PEX14: variants seen among roughly 807,000 people sequenced by gnomAD.
PEX14 encodes the protein peroxisomal biogenesis factor 14.
Under a neutral mutation model 49.5 loss-of-function variants are expected in PEX14, and 15 were observed. That is an observed-to-expected ratio of 0.30 (90% CI 0.20 to 0.47). The LOEUF (loss-of-function observed/expected upper bound fraction) is 0.47. Among genes scored for constraint, PEX14 ranks in the 20% least tolerant of loss-of-function variants. PEX14 has a pLI of 1.00. For missense variants in PEX14, 398 were observed against 494.8 expected (o/e 0.80, Z 1.86); for synonymous variants, 210 against 212.7 (o/e 0.99, Z 0.11).
At chr1:10,614,787 G>A (rs751554019) in intron 4 of PEX14, among the ~76,000 whole-genome samples, 3 of 152,204 alleles carry the variant, frequency 2.0e-5, no homozygotes, top group Admixed American at 6.5e-5. Flanking sequence ...ATGGATGAAG[G>A]CCCTCCTGAG....
In PEX14 at chr1:10,577,550, ATATATATATATATTTTTTTTTTTTTTT is replaced by A. The variant is rs1640169464; in HGVS notation, c.170-21686_170-21660del. 9.3e-4 allele frequency among the ~76,000 whole-genome samples: 12 copies of A among 12,966 alleles called. No homozygotes were observed. The East Asian group carries it at 0.018, about 19-fold the overall frequency. The allele number at this position is 12,966 out of a possible 152,430, so 8.5% of individuals were successfully genotyped here. ...TATACATATATATATATATATATAT[ATATATATATATATTTTTTTTTTTTTTT>A]TTTTTTTTTTTTTTTTTTTTTTTTT... is the stretch of plus-strand genomic sequence containing the variant. On this transcript the variant is annotated intron_variant, in intron 3 of 8. Transcript: ENST00000356607.
chr1:10,531,369 T>C (rs1638645921), intron 2 of PEX14, among the ~76,000 whole-genome samples: 1 of 152,206 alleles, frequency 6.6e-6, no homozygotes, highest in Non-Finnish European at 1.5e-5. Context: ...AGCATTTCTG[T>C]TTGAAGAGGG....
chr1:10,550,824 AAATG>A (rs1289255204), intron 3 of PEX14, among the ~76,000 whole-genome samples: 1 of 152,236 alleles, frequency 6.6e-6, no homozygotes, highest in Non-Finnish European at 1.5e-5. Context: ...ACATTGTAGA[AAATG>A]AAATCTAGAA....
chr1:10,590,110 A>G (rs892304487), intron 3 of PEX14, among the ~76,000 whole-genome samples: 6 of 152,154 alleles, frequency 3.9e-5, no homozygotes, highest in Non-Finnish European at 8.8e-5. Context: ...AGGCCGGTTC[A>G]TGTCTGTGAG....
At chr1:10,527,642 G>T (rs1638529298) in intron 2 of PEX14, among the ~76,000 whole-genome samples, 1 of 151,610 alleles carries the variant, frequency 6.6e-6, no homozygotes. Flanking sequence ...CTTATGGGGT[G>T]TTTGGTAGAA....
At chr1:10,573,695 G>T (rs1640045555) in intron 3 of PEX14, among the ~76,000 whole-genome samples, 1 of 152,164 alleles carries the variant, frequency 6.6e-6, no homozygotes. Flanking sequence ...CTCAAGTTAA[G>T]TACATGCTTG....
chr1:10,566,306 T>G (rs1056186868), intron 3 of PEX14, among the ~76,000 whole-genome samples: 1 of 152,236 alleles, frequency 6.6e-6, no homozygotes, highest in Non-Finnish European at 1.5e-5. Flanking sequence ...ATTTTACCCT[T>G]TCTTGGGATT....
intron 2 of PEX14, among the ~76,000 whole-genome samples, chr1:10,521,702 G>A (rs1401265461): frequency 1.3e-5 from 2 of 152,098 alleles, no homozygotes; most frequent in African/African-American, 4.8e-5. Context: ...CCACCTTATG[G>A]GTGTTGACTT....
rs2124442624 is a variant in PEX14, at chr1:10,514,904, T to A, written c.84+19583T>A. ...CAGAAAACTGTCCCCCTTAAAAGCC[T>A]GGGTAACAAGGAGAGCTGATTTGGG... is the stretch of plus-strand genomic sequence containing the variant. On this transcript the variant is annotated intron_variant, in intron 2 of 8. Transcript: ENST00000356607. The surrounding 1 kb of genome is among the most constrained non-coding windows in gnomAD (Gnocchi z 4.4). 6.6e-6 allele frequency among the ~76,000 whole-genome samples: 1 copy of A among 152,270 alleles called. No homozygotes were observed. The highest frequency in any genetic ancestry group is 2.1e-4 in the South Asian group (1 of 4,828).
At chr1:10,478,169 G>T (rs1015546565) in intron 1 of PEX14, among the ~76,000 whole-genome samples, 1 of 152,124 alleles carries the variant, frequency 6.6e-6, no homozygotes, top group Non-Finnish European at 1.5e-5. Context: ...TATTACAGGC[G>T]TGAGCCACTG....
intron 1 of PEX14, among the ~76,000 whole-genome samples, chr1:10,482,826 T>G (rs1359969367): frequency 6.6e-6 from 1 of 152,236 alleles, no homozygotes; most frequent in Non-Finnish European, 1.5e-5. Context: ...TGTCTTTTTG[T>G]GAACATAATA....
chr1:10,577,529 C>CATACACATATATATATATAT (rs1640157713), intron 3 of PEX14, among the ~76,000 whole-genome samples: 1 of 43,014 alleles, frequency 2.3e-5, no homozygotes, highest in African/African-American at 1.2e-4. Context: ...GGACACTATA[C>CATACACATATATATATATAT]ATATATATAT....
rs1453706769 is a variant in PEX14 at position 10,623,160 on chromosome 1, C to T, written c.487+39C>T. 7.3e-7 allele frequency: 1 copy of T among 1,379,150 alleles called. No individual in the cohort carries two copies. Among genetic ancestry groups the T allele is most frequent in the African/African-American group, 1.4e-5 (1 of 70,446 alleles). The allele number at this position is 1,379,150 out of a possible 1,614,324, so 85.4% of individuals were successfully genotyped here. ...ACTCCATCAAGTCACCCCTCACAGC[C>T]TTCTCCAAGCAGCCCCTTCTCTGCC... On this transcript the variant is annotated intron_variant, in intron 6 of 8. Coordinates refer to ENST00000356607, the MANE Select transcript of PEX14 (RefSeq NM_004565.3). This position sits in a 1 kb window ranked among gnomAD's most constrained non-coding sequence, Gnocchi z 4.4.
chr1:10,538,804 G>A (rs952124977), intron 3 of PEX14, among the ~76,000 whole-genome samples: 5 of 152,188 alleles, frequency 3.3e-5, no homozygotes, highest in Non-Finnish European at 4.4e-5. Context: ...TCTGGCACCC[G>A]TGCTCTTGGA....
intron 1 of PEX14, among the ~76,000 whole-genome samples, chr1:10,481,304 A>AT (rs1268465821): frequency 1.3e-5 from 2 of 151,688 alleles, no homozygotes; most frequent in Non-Finnish European, 2.9e-5. Context: ...TGCCTGGCTA[A>AT]TTTTTTTGTA....
At chr1:10,500,737 G>A (rs1641663177) in intron 2 of PEX14, among the ~76,000 whole-genome samples, 1 of 152,274 alleles carries the variant, frequency 6.6e-6, no homozygotes, top group Non-Finnish European at 1.5e-5. Flanking sequence ...ACCACGGCCA[G>A]CTAATTTTTG....
chr1:10,484,650 G>A (rs943009497), intron 1 of PEX14, among the ~76,000 whole-genome samples: 3 of 151,750 alleles, frequency 2.0e-5, no homozygotes, highest in Non-Finnish European at 2.9e-5. Context: ...GTTTCTGTGG[G>A]TCAGGAGTCA....
intron 2 of PEX14, among the ~76,000 whole-genome samples, chr1:10,503,318 AAGAAAAG>A (rs1360426858): frequency 6.7e-6 from 1 of 149,234 alleles, no homozygotes; most frequent in Non-Finnish European, 1.5e-5. Flanking sequence ...AAAGAAAGAA[AAGAAAAG>A]AAAAAAGAAA....
chr1:10,493,602 AT>A (rs1172837280), intron 1 of PEX14, among the ~76,000 whole-genome samples: 1 of 151,822 alleles, frequency 6.6e-6, no homozygotes, highest in South Asian at 2.1e-4. Flanking sequence ...CCATTTTTAT[AT>A]TTTTTGTAGA....
Sources: allele counts gnomAD v4.1 joint callset (sites outside exome capture counted in the v4.1 genomes callset), GRCh38; gene constraint gnomAD v4.1.1; non-coding constraint Gnocchi (gnomAD v3.1); transcripts MANE v1.5; gene names NCBI Gene and HGNC (gene_info 2026-07-23, HGNC 2026-07-21).